The following OCA2 variants were observed in gnomAD, a reference collection of about 807,000 sequenced individuals.
The protein encoded by OCA2 is P protein.
OCA2 carries 77 observed loss-of-function variants against 100.2 expected under a neutral mutation model. The ratio of observed to expected loss-of-function variants is 0.77; its 90% CI spans 0.64 to 0.93. OCA2 has a LOEUF of 0.93. Among genes scored for constraint, OCA2 ranks in the 40% least tolerant of loss-of-function variants. The pLI is 0.00. For missense variants in OCA2, 1,062 were observed against 1,089.1 expected, an observed-to-expected ratio of 0.98 and a Z score of 0.35; for synonymous variants, 432 against 439.2, an observed-to-expected ratio of 0.98 and a Z score of 0.21.
intron 14 of OCA2, among the ~76,000 whole-genome samples, chr15:27,974,260 C>A (rs531922922): frequency 2.1e-4 from 32 of 152,156 alleles, no homozygotes; most frequent in Non-Finnish European, 4.1e-4. Context: ...ATTTCATAAT[C>A]TGTTTTCTTC....
chr15:27,991,134 G>A (rs772972110), intron 9 of OCA2, among the ~76,000 whole-genome samples: 53 of 152,158 alleles, frequency 3.5e-4, no homozygotes, highest in Non-Finnish European at 1.3e-4. Flanking sequence ...GAATTTCTAA[G>A]ACAAAATATG....
At chr15:27,808,886 C>T (rs2151208910) in intron 23 of OCA2, among the ~76,000 whole-genome samples, 1 of 152,340 alleles carries the variant, frequency 6.6e-6, no homozygotes, top group East Asian at 1.9e-4. Context: ...GCTCCCGTCT[C>T]TTCTAGATGT....
intron 21 of OCA2, among the ~76,000 whole-genome samples, chr15:27,862,358 G>A (rs1376620662): frequency 6.6e-6 from 1 of 152,218 alleles, no homozygotes; most frequent in Non-Finnish European, 1.5e-5. Context: ...CAAAGGAGGG[G>A]CAGTGCTGGA....
chr15:28,038,164 G>C (rs1235286036), intron 2 of OCA2, among the ~76,000 whole-genome samples: 1 of 152,170 alleles, frequency 6.6e-6, no homozygotes, highest in Non-Finnish European at 1.5e-5. Flanking sequence ...GACCCAAGCT[G>C]CCTTTCCAGG....
At chr15:28,095,910 C>T (rs532455507) in intron 1 of OCA2, among the ~76,000 whole-genome samples, 5 of 152,278 alleles carry the variant, frequency 3.3e-5, no homozygotes, top group African/African-American at 9.6e-5. Context: ...GAACGCTCCC[C>T]TCCCCACAAA....
At chr15:28,051,779 G>A (rs536178733) in intron 2 of OCA2, among the ~76,000 whole-genome samples, 9 of 151,494 alleles carry the variant, frequency 5.9e-5, no homozygotes, top group African/African-American at 2.2e-4. Flanking sequence ...GGTGCAGGCG[G>A]GGACCATGGG....
intron 1 of OCA2, among the ~76,000 whole-genome samples, chr15:28,094,743 C>T (rs1053039082): frequency 1.3e-5 from 2 of 152,136 alleles, no homozygotes; most frequent in South Asian, 4.1e-4. Flanking sequence ...CCTCCTGCCG[C>T]CCCTGCTGCC....
In OCA2 at chr15:28,018,412, C is replaced by A. The variant is rs755904696; in HGVS notation, c.792G>T (p.Trp264Cys). The change falls in exon 7 of 24, where the codon TGG (tryptophan) becomes TGT (cysteine). Residue 264 changes from tryptophan to cysteine, a missense_variant. Transcript: ENST00000354638. Reference protein sequence around the residue: ...LTQADALGSRWRRPQQVTHNW... With the variant: ...LTQADALGSRCRRPQQVTHNW... Reference sequence around the variant, plus strand: ...TCAGCATAACCTGCTGTGGCCGCCGCCACCTGGAGCCCAAAGCGTCAGCCT... The same window carrying A: ...TCAGCATAACCTGCTGTGGCCGCCGACACCTGGAGCCCAAAGCGTCAGCCT... 20 of 1,614,110 alleles carry A rather than the reference C, an allele frequency of 1.2e-5. No individual in the cohort carries two copies. Among genetic ancestry groups the A allele is most frequent in the Non-Finnish European group, 1.7e-5 (20 of 1,180,016 alleles).
intron 23 of OCA2, among the ~76,000 whole-genome samples, chr15:27,801,542 C>G (rs1447760751): frequency 9.8e-6 from 1 of 102,424 alleles, no homozygotes; most frequent in Non-Finnish European, 1.7e-5. Flanking sequence ...CAGAGTGAGA[C>G]TCGGTCTCAA....
At chr15:27,821,739 A>T (rs2034516232) in intron 23 of OCA2, among the ~76,000 whole-genome samples, 1 of 152,140 alleles carries the variant, frequency 6.6e-6, no homozygotes, top group Non-Finnish European at 1.5e-5. Context: ...ATACATGCAT[A>T]CATATAAGCT....
intron 14 of OCA2, among the ~76,000 whole-genome samples, chr15:27,970,890 GCAC>G (rs1235335977): frequency 1.3e-5 from 2 of 149,718 alleles, no homozygotes; most frequent in Non-Finnish European, 3.0e-5. Flanking sequence ...GAACGTGGCA[GCAC>G]CCACGGCATG....
At chr15:28,067,611 T>C (rs1299194230) in intron 2 of OCA2, among the ~76,000 whole-genome samples, 1 of 152,156 alleles carries the variant, frequency 6.6e-6, no homozygotes, top group Non-Finnish European at 1.5e-5. Context: ...TATTCAGGAG[T>C]AAGTTGTTTA....
Position 27,990,693 on chromosome 15 carries a change from G to C in OCA2, c.1045-46C>G, listed in dbSNP as rs769708775. ...TTACCGCGTTCCAGTGCACGAGGGAGTTAGCACACACGAAAGCCTGTGTGG... is the reference window on the plus strand; with the variant it reads ...TTACCGCGTTCCAGTGCACGAGGGACTTAGCACACACGAAAGCCTGTGTGG... On this transcript the variant is annotated intron_variant, in intron 9 of 23. Transcript: ENST00000354638. The C allele has an allele frequency of 3.2e-6, 5 of 1,543,858 alleles. No homozygotes were observed. In the African/African-American group the frequency reaches 6.7e-5, roughly 21 times the overall value.
intron 23 of OCA2, among the ~76,000 whole-genome samples, chr15:27,779,969 C>T (rs1477036741): frequency 6.6e-6 from 1 of 152,106 alleles, no homozygotes; most frequent in East Asian, 1.9e-4. Context: ...GTATTGTACA[C>T]TCAAAAATCT....
At chr15:27,795,227 C>G (rs1037685758) in intron 23 of OCA2, among the ~76,000 whole-genome samples, 1 of 152,150 alleles carries the variant, frequency 6.6e-6, no homozygotes, top group African/African-American at 2.4e-5. Context: ...CGTACTGAAC[C>G]CTTATTTAAT....
intron 9 of OCA2, among the ~76,000 whole-genome samples, chr15:27,991,919 T>C (rs2041567587): frequency 6.6e-6 from 1 of 152,230 alleles, no homozygotes; most frequent in Admixed American, 6.5e-5. Context: ...TCATTTATAA[T>C]GTGTAGTACT....
intron 5 of OCA2, among the ~76,000 whole-genome samples, chr15:28,024,142 C>T (rs1421244156): frequency 6.6e-6 from 1 of 152,198 alleles, no homozygotes; most frequent in African/African-American, 2.4e-5. Flanking sequence ...GCAGCCCTGG[C>T]TCCCTGCTCG....
rs370269774 is a variant in OCA2, at chr15:27,843,166, A to G, written c.2432+1793T>C. 2.0e-3 allele frequency among the ~76,000 whole-genome samples: 312 copies of G among 152,294 alleles called. 4 individuals carry two copies. The highest frequency in any genetic ancestry group is 0.018 in the South Asian group (85 of 4,828). The stretch of plus-strand genomic sequence containing the variant: ...CAGCCTATGGGTTGCCAGAGAGTAG[A>G]GGAGCCAGTGTATAGTATGCTTGGC... On this transcript the variant is annotated intron_variant, in intron 23 of 23. Coordinates refer to ENST00000354638, the MANE Select transcript of OCA2 (RefSeq NM_000275.3).
At chr15:27,801,846 T>C (rs2033629049) in intron 23 of OCA2, among the ~76,000 whole-genome samples, 1 of 152,186 alleles carries the variant, frequency 6.6e-6, no homozygotes, top group East Asian at 1.9e-4. Flanking sequence ...AGTTACATCA[T>C]ATTTAATGGT....
Sources: gnomAD v4.1 joint callset for allele counts (sites outside exome capture counted in the v4.1 genomes callset) on GRCh38, gnomAD v4.1.1 for gene constraint, MANE v1.5 for transcripts, NCBI Gene and HGNC (gene_info 2026-07-23, HGNC 2026-07-21) for gene names.